Variants in PPFIA2 observed in about 807,000 individuals in gnomAD.
The protein encoded by PPFIA2 is PPFI scaffold protein A2.
PPFIA2 carries 46 observed loss-of-function variants against 175.5 expected under a neutral mutation model. The ratio of observed to expected loss-of-function variants is 0.26; its 90% CI spans 0.21 to 0.34. The LOEUF (loss-of-function observed/expected upper bound fraction) is 0.34. PPFIA2 is among the 10% of genes least tolerant of loss of function. The pLI is 1.00. For missense variants in PPFIA2, 1,179 were observed against 1,506.1 expected (o/e 0.78, Z 3.60); for synonymous variants, 568 against 511.4 (o/e 1.11, Z -1.49).
At chr12:81,647,479 T>C (rs1253301037) in intron 4 of PPFIA2, among the ~76,000 whole-genome samples, 1 of 151,970 alleles carries the variant, frequency 6.6e-6, no homozygotes, top group Non-Finnish European at 1.5e-5. Flanking sequence ...AAACCAAATA[T>C]GGCTGGGTGC....
chr12:81,506,990 A>G (rs1308417850), intron 4 of PPFIA2, among the ~76,000 whole-genome samples: 1 of 152,234 alleles, frequency 6.6e-6, no homozygotes, highest in Non-Finnish European at 1.5e-5. Flanking sequence ...GCATCCAATT[A>G]CACACTAACT....
intron 4 of PPFIA2, among the ~76,000 whole-genome samples, chr12:81,539,562 A>C (rs1001113052): frequency 6.6e-6 from 1 of 151,974 alleles, no homozygotes; most frequent in Non-Finnish European, 1.5e-5. Flanking sequence ...TGCCATAACG[A>C]ATCAGTGGGG....
chr12:81,743,857 T>C (rs140058876), intron 3 of PPFIA2, among the ~76,000 whole-genome samples: 3 of 152,260 alleles, frequency 2.0e-5, no homozygotes, highest in East Asian at 3.9e-4. Flanking sequence ...TAAAATAAAA[T>C]ATAGATAGCA....
Position 81,487,299 on chromosome 12 carries a change from T to G in PPFIA2, c.304-29433A>C, listed in dbSNP as rs1312170787. Among the ~76,000 whole-genome samples the G allele has an allele frequency of 4.6e-5, 7 of 151,886 alleles. No individual in the cohort carries two copies. The East Asian group carries it at 1.4e-3, about 29-fold the overall frequency. On this transcript the variant is annotated intron_variant, in intron 4 of 32. Transcript: ENST00000549396. ...GTTATTTGAATTCCAGCTCCATCTT[T>G]TTTAGCTGTGTGTTCTTGGGAAATT...
chr12:81,560,302 C>G (rs1452692326), intron 4 of PPFIA2, among the ~76,000 whole-genome samples: 1 of 151,192 alleles, frequency 6.6e-6, no homozygotes, highest in African/African-American at 2.4e-5. Context: ...GAGAGAGAGA[C>G]AGAGAGAACA....
intron 4 of PPFIA2, among the ~76,000 whole-genome samples, chr12:81,508,521 CA>C (rs544893385): frequency 1.2e-3 from 56 of 44,816 alleles, no homozygotes; most frequent in East Asian, 3.6e-3. Flanking sequence ...AATTCCACCT[CA>C]AAAAAAAAAA....
In PPFIA2 at chr12:81,360,006, A is replaced by G. The variant is rs187289426; in HGVS notation, c.1638-1789T>C. ...ACACTTTCTTTTCATTTCTTTGAAC[A>G]TGCTTTTGTTTTTGTTTGTTTGTTT... On this transcript the variant is annotated intron_variant, in intron 15 of 32. Coordinates refer to ENST00000549396, the MANE Select transcript of PPFIA2 (RefSeq NM_003625.5). Among the ~76,000 whole-genome samples, 375 of 151,842 alleles carry G rather than the reference A, an allele frequency of 2.5e-3. 1 individual carries two copies. Among genetic ancestry groups the G allele is most frequent in the African/African-American group, 8.3e-3 (346 of 41,476 alleles).
intron 4 of PPFIA2, among the ~76,000 whole-genome samples, chr12:81,638,182 A>C (rs138428848): frequency 3.9e-5 from 6 of 152,254 alleles, no homozygotes; most frequent in African/African-American, 1.4e-4. Context: ...TATTGACTTT[A>C]ACTCTTGAAT....
rs1277195219 is a variant in PPFIA2 at position 81,374,676 on chromosome 12, T to C, written c.1224A>G (p.Glu408=). The C allele has an allele frequency of 4.3e-6, 7 of 1,613,424 alleles. No homozygotes were observed. In the Admixed American group the frequency reaches 1.2e-4, roughly 27 times the overall value. ...TTCTCTGAGCCAGTTCAGCCTCTAC[T>C]TCAGGCAAGGTTTCAGCCTTTCTCA... ...QTMRKAETLP[E]VEAELAQRIA... is the part of the protein sequence containing the mutation. The change falls in exon 11 of 33, where the codon GAA becomes GAG. Residue 408 remains glutamate (E), a synonymous_variant. Transcript: ENST00000549396.
chr12:81,589,273 C>T (rs536448632), intron 4 of PPFIA2, among the ~76,000 whole-genome samples: 24 of 151,882 alleles, frequency 1.6e-4, no homozygotes, highest in Non-Finnish European at 3.1e-4. Context: ...ATCTGGAGCC[C>T]CAAAGGCTAC....
At chr12:81,533,304 T>A (rs1460619810) in intron 4 of PPFIA2, among the ~76,000 whole-genome samples, 1 of 151,752 alleles carries the variant, frequency 6.6e-6, no homozygotes, top group Non-Finnish European at 1.5e-5. Context: ...ATAAAGGTAC[T>A]CACATTCTCC....
rs555419466 is a variant in PPFIA2, at chr12:81,676,308, G to C, written c.303+483C>G. Reference sequence around the variant, plus strand: ...TCCAATAATAGAACATCAAGCTTTTGTTGCTGCTTGTAAATTATAATTCAT... The same window carrying C: ...TCCAATAATAGAACATCAAGCTTTTCTTGCTGCTTGTAAATTATAATTCAT... On this transcript the variant is annotated intron_variant, in intron 4 of 32. Transcript: ENST00000549396. 1.6e-4 allele frequency among the ~76,000 whole-genome samples: 25 copies of C among 152,036 alleles called. No homozygotes were observed. In the South Asian group the frequency reaches 5.0e-3, roughly 30 times the overall value.
chr12:81,278,408 G>A (rs2041135054), intron 27 of PPFIA2, among the ~76,000 whole-genome samples: 1 of 152,132 alleles, frequency 6.6e-6, no homozygotes, highest in Non-Finnish European at 1.5e-5. Context: ...GGCTGTGGTG[G>A]CACATGCCTG....
chr12:81,416,670 C>G (rs901707016), intron 7 of PPFIA2, among the ~76,000 whole-genome samples: 5 of 151,812 alleles, frequency 3.3e-5, no homozygotes, highest in Non-Finnish European at 7.4e-5. Flanking sequence ...TTGATTCATA[C>G]TGGTTCCTCA....
chr12:81,346,262 C>A (rs2059053851), intron 18 of PPFIA2, among the ~76,000 whole-genome samples: 1 of 151,868 alleles, frequency 6.6e-6, no homozygotes, highest in Non-Finnish European at 1.5e-5. Context: ...GTAGTACATG[C>A]TTTTAAATTA....
chr12:81,436,860 A>G (rs1430789801), intron 7 of PPFIA2, among the ~76,000 whole-genome samples: 2 of 152,200 alleles, frequency 1.3e-5, no homozygotes, highest in African/African-American at 2.4e-5. Flanking sequence ...GTTAAGCCAC[A>G]TGGACAATAG....
chr12:81,325,968 A>G, intron 21 of PPFIA2, 98 bp from the exon 22 acceptor site: 1 of 815,662 alleles, frequency 1.2e-6, no homozygotes, highest in Non-Finnish European at 2.0e-6. Context: ...ACTGTTTAGT[A>G]TCACATTTAA....
At chr12:81,562,445 A>G (rs1942216855) in intron 4 of PPFIA2, among the ~76,000 whole-genome samples, 1 of 152,190 alleles carries the variant, frequency 6.6e-6, no homozygotes, top group South Asian at 2.1e-4. Context: ...AGTCACAGAG[A>G]AAACACTATT....
intron 29 of PPFIA2, 83 bp from the exon 30 acceptor site, chr12:81,267,103 T>C: frequency 9.9e-7 from 1 of 1,009,402 alleles, no homozygotes; most frequent in Non-Finnish European, 1.5e-6. Flanking sequence ...TCTGATAATG[T>C]ATTATAAACC....
Sources: allele counts gnomAD v4.1 joint callset (sites outside exome capture counted in the v4.1 genomes callset), GRCh38; gene constraint gnomAD v4.1.1; transcripts MANE v1.5; gene names NCBI Gene and HGNC (gene_info 2026-07-23, HGNC 2026-07-21).